The following SCAMP2 variants were observed in gnomAD, a reference collection of about 807,000 sequenced individuals.
The protein encoded by SCAMP2 is secretory carrier-associated membrane protein 2.
SCAMP2 carries 25 observed loss-of-function variants against 44.1 expected under a neutral mutation model. The observed-to-expected ratio is 0.57, with a 90% CI of 0.41 to 0.79. The LOEUF (loss-of-function observed/expected upper bound fraction) is 0.79, where lower values mean the gene tolerates loss of function less well. Among genes scored for constraint, SCAMP2 ranks in the 30% least tolerant of loss-of-function variants. The pLI is 0.00. For synonymous variants in SCAMP2, 156 were observed against 166.0 expected, an observed-to-expected ratio of 0.94 and a Z score of 0.46; for missense variants, 355 against 411.0, an observed-to-expected ratio of 0.86 and a Z score of 1.18.
At chr15:74,851,508 G>C in intron 4 of SCAMP2, 27 bp from the exon 5 acceptor site, 3 of 1,612,154 alleles carry the variant, frequency 1.9e-6, no homozygotes, top group Non-Finnish European at 2.5e-6. Context: ...GAGTGACGAG[G>C]TAAGGGCCCA....
rs982449628 is a variant in SCAMP2 at position 74,843,937 on chromosome 15, C to T, written c.*1146G>A. On this transcript the variant is annotated 3_prime_UTR_variant, in exon 9 of 9. Transcript: ENST00000268099. ...AGGCACCCCAGTCCACACACCCACT[C>T]GGCAGCCTCGAGGGACAGGGTGCTG... 6.6e-6 allele frequency: 1 copy of T among 152,128 alleles called. No individual in the cohort carries two copies. Among genetic ancestry groups the T allele is most frequent in the African/African-American group, 2.4e-5 (1 of 41,420 alleles). 9.4% of individuals were successfully genotyped at this position (152,128 alleles called of 1,614,324 possible).
At chr15:74,860,591 G>C (rs1367102073) in intron 1 of SCAMP2, among the ~76,000 whole-genome samples, 2 of 151,508 alleles carry the variant, frequency 1.3e-5, no homozygotes, top group African/African-American at 2.4e-5. Flanking sequence ...GGAAGGCTGA[G>C]GCAGGAGAAT....
In SCAMP2 at chr15:74,873,270, A is replaced by G; in HGVS notation, c.-15T>C. ...AAAGCCGACATGGTGATCGGGGGCC[A>G]GCGGGCGAACTCCGCGAACGCTGCT... On this transcript the variant is annotated 5_prime_UTR_variant, in exon 1 of 9. Transcript: ENST00000268099. 1 of 1,479,942 alleles carries G rather than the reference A, an allele frequency of 6.8e-7. No homozygotes were observed. The allele number at this position is 1,479,942 out of a possible 1,614,324, so 91.7% of individuals were successfully genotyped here. A position where few individuals can be genotyped will look rare whatever the true frequency, so the allele number is the denominator to read the frequency against.
chr15:74,866,025 AGGGAG>A (rs151007343), intron 1 of SCAMP2, among the ~76,000 whole-genome samples: 2,554 of 55,724 alleles, frequency 0.046, 258 homozygotes, highest in African/African-American at 0.18. Context: ...GAAAGGAGGG[AGGGAG>A]GGGAGGGGAG....
At chr15:74,861,157 A>T (rs1018832017) in intron 1 of SCAMP2, among the ~76,000 whole-genome samples, 3 of 152,232 alleles carry the variant, frequency 2.0e-5, no homozygotes, top group Middle Eastern at 3.2e-3. Context: ...CCTGGGCAAC[A>T]GAGCGAGACT....
At chr15:74,866,764 G>A (rs1297551745) in intron 1 of SCAMP2, among the ~76,000 whole-genome samples, 2 of 151,444 alleles carry the variant, frequency 1.3e-5, no homozygotes, top group Non-Finnish European at 2.9e-5. Flanking sequence ...CACTTGTGAT[G>A]TGCTGTCACT....
At chr15:74,864,510 G>A (rs1417438029) in intron 1 of SCAMP2, among the ~76,000 whole-genome samples, 1 of 152,200 alleles carries the variant, frequency 6.6e-6, no homozygotes, top group Non-Finnish European at 1.5e-5. Context: ...TTGCTCTACA[G>A]GCAACGGGGA....
rs1473505830 is a variant in SCAMP2 at position 74,852,071 on chromosome 15, T to C, written c.341A>G (p.His114Arg). 6.4e-7 allele frequency: 1 copy of C among 1,571,560 alleles called. No homozygotes were observed. Among genetic ancestry groups the C allele is most frequent in the Non-Finnish European group, 8.6e-7 (1 of 1,157,786 alleles). ...RELQNTVANL[H>R]VRQNNWPPLP... ...CAGGCCCCAGCAGCCTCCCTTACCA[T>C]GCAAGTTGGCTACAGTGTTCTGCAG... is the stretch of plus-strand genomic sequence containing the variant. The change falls in exon 4 of 9, where the codon CAT becomes CGT. Residue 114 changes from histidine (H) to arginine (R), a missense_variant and splice_region_variant. Coordinates refer to ENST00000268099, the MANE Select transcript of SCAMP2 (RefSeq NM_005697.5).
chr15:74,855,085 C>A (rs886880745), intron 1 of SCAMP2, among the ~76,000 whole-genome samples: 3 of 149,532 alleles, frequency 2.0e-5, no homozygotes, highest in African/African-American at 7.4e-5. Context: ...ACTTATTATT[C>A]ATTTATTCCT....
intron 3 of SCAMP2, chr15:74,853,810 G>A (rs997737955): frequency 3.4e-6 from 2 of 587,302 alleles, no homozygotes; most frequent in Admixed American, 3.0e-5. Context: ...TTTCTCAGTG[G>A]TGGTGGTGGG....
In SCAMP2 at chr15:74,854,125, TG is replaced by T; in HGVS notation, c.127-7del. 6.2e-7 allele frequency: 1 copy of T among 1,612,246 alleles called. No individual in the cohort carries two copies. Among genetic ancestry groups the T allele is most frequent in the South Asian group, 1.1e-5 (1 of 91,044 alleles). On this transcript the variant is annotated splice_polypyrimidine_tract_variant and splice_region_variant and intron_variant, in intron 2 of 8. Transcript: ENST00000268099. Reference sequence around the variant, plus strand: ...ACTGTTGTCGCTGCATTTGTCTACATGGAACAAATCAAAAGACAGAATTGAG... The same window carrying T: ...ACTGTTGTCGCTGCATTTGTCTACATGAACAAATCAAAAGACAGAATTGAG...
intron 1 of SCAMP2, among the ~76,000 whole-genome samples, chr15:74,867,410 A>G (rs1036871019): frequency 6.6e-6 from 1 of 152,214 alleles, no homozygotes; most frequent in Non-Finnish European, 1.5e-5. Flanking sequence ...CTCTCTACCC[A>G]AGTTTTAACA....
rs1345138113 is a variant in SCAMP2, at chr15:74,854,118, G to A, written c.128C>T (p.Thr43Ile). 2 of 1,613,480 alleles carry A rather than the reference G, an allele frequency of 1.2e-6. No individual in the cohort carries two copies. The highest frequency in any genetic ancestry group is 1.7e-6 in the Non-Finnish European group (2 of 1,179,442). The change falls in exon 3 of 9, where the codon ACA becomes ATA. Residue 43 changes from threonine (T) to isoleucine (I), a missense_variant and splice_region_variant. Physicochemically the swap from Thr to Ile is moderately conservative, Grantham distance 89. Coordinates refer to ENST00000268099, the MANE Select transcript of SCAMP2 (RefSeq NM_005697.5). ...GLAEFNPFSE[T>I]NAATTVPVTQ... Reference sequence around the variant, plus strand: ...GACAGGAACTGTTGTCGCTGCATTTGTCTACATGGAACAAATCAAAAGACA... The same window carrying A: ...GACAGGAACTGTTGTCGCTGCATTTATCTACATGGAACAAATCAAAAGACA...
Position 74,850,553 on chromosome 15 carries a change from G to A in SCAMP2, c.593C>T (p.Ala198Val). ...GATGGGTCGGTACCAACAAAGGAAG[G>A]CACAGGGAGTGAAGATCAGAAACCA... ...ILWFLIFTPC[A>V]FLCWYRPIYK... The change falls in exon 6 of 9, where the codon GCC becomes GTC. Residue 198 changes from alanine to valine, a missense_variant. Ala to Val is a moderately conservative substitution (Grantham distance 64, BLOSUM62 0). Transcript: ENST00000268099. 3 of 1,614,144 alleles carry A rather than the reference G, an allele frequency of 1.9e-6. No individual in the cohort carries two copies. Among genetic ancestry groups the A allele is most frequent in the Non-Finnish European group, 2.5e-6 (3 of 1,179,994 alleles).
At chr15:74,856,871 C>T (rs1261761679) in intron 1 of SCAMP2, among the ~76,000 whole-genome samples, 1 of 152,170 alleles carries the variant, frequency 6.6e-6, no homozygotes, top group Non-Finnish European at 1.5e-5. Context: ...ACTAGGATTA[C>T]AAATGTGAGC....
At chr15:74,861,638 C>T (rs915963782) in intron 1 of SCAMP2, among the ~76,000 whole-genome samples, 5 of 152,150 alleles carry the variant, frequency 3.3e-5, no homozygotes, top group Non-Finnish European at 7.3e-5. Flanking sequence ...GTGGCTCACG[C>T]CTATAATCGC....
At chr15:74,865,391 A>G (rs1201333193) in intron 1 of SCAMP2, among the ~76,000 whole-genome samples, 1 of 151,180 alleles carries the variant, frequency 6.6e-6, no homozygotes, top group Non-Finnish European at 1.5e-5. Context: ...AAAAAAAAAA[A>G]AAAGAAAAGA....
At chr15:74,863,248 G>A (rs1290264473) in intron 1 of SCAMP2, among the ~76,000 whole-genome samples, 1 of 151,972 alleles carries the variant, frequency 6.6e-6, no homozygotes, top group African/African-American at 2.4e-5. Context: ...GGGAAGCTGA[G>A]GCAAGAGAAT....
At chr15:74,854,757 C>T (rs906707335) in intron 1 of SCAMP2, 108 bp from the exon 2 acceptor site, 39 of 968,150 alleles carry the variant, frequency 4.0e-5, no homozygotes, top group Non-Finnish European at 5.4e-5. Flanking sequence ...ATCACCCTCC[C>T]GGGACCCTGA....
Sources: gnomAD v4.1 joint callset for allele counts (sites outside exome capture counted in the v4.1 genomes callset) on GRCh38, gnomAD v4.1.1 for gene constraint, MANE v1.5 for transcripts, NCBI Gene and HGNC (gene_info 2026-07-23, HGNC 2026-07-21) for gene names.